The following RETNLB variants were observed in gnomAD, a reference collection of about 807,000 sequenced individuals.
The protein encoded by RETNLB is resistin-like beta.
RETNLB carries 11 observed loss-of-function variants against 6.8 expected under a neutral mutation model. The ratio of observed to expected loss-of-function variants is 1.62; its 90% CI spans 1.02 to 2.68. RETNLB has a LOEUF of 2.68. Ranked by LOEUF, RETNLB falls within the 30% of genes most tolerant of loss-of-function variation. RETNLB has a pLI of 0.00. For missense variants in RETNLB, 146 were observed against 135.7 expected (o/e 1.08, Z -0.38); for synonymous variants, 57 against 54.2 (o/e 1.05, Z -0.23).
intron 2 of RETNLB, among the ~76,000 whole-genome samples, chr3:108,756,181 G>C (rs1303367134): frequency 6.6e-6 from 1 of 152,106 alleles, no homozygotes; most frequent in African/African-American, 2.4e-5. Flanking sequence ...CCTCTCTGTT[G>C]GCCCCTACCC....
In RETNLB at chr3:108,755,845, T is replaced by C; in HGVS notation, c.269A>G (p.Glu90Gly). The change falls in exon 3 of 3, where the codon GAA becomes GGA. Residue 90 changes from glutamate to glycine, a missense_variant. Physicochemically the swap from Glu to Gly is moderately conservative, Grantham distance 98. Transcript: ENST00000295755. ...ACTGCACTGGCAGTGGCAGGTGGTT[T>C]CCAGCTGAACATCCCACGAACCACA... ...YGCGSWDVQL[E>G]TTCHCQCSVV... The C allele has an allele frequency of 8.7e-6, 14 of 1,614,098 alleles. No individual in the cohort carries two copies. The highest frequency in any genetic ancestry group is 1.2e-5 in the Non-Finnish European group (14 of 1,180,010).
Position 108,755,739 on chromosome 3 carries a change from TGTCATG to T in RETNLB, c.*33_*38del. 6.2e-7 allele frequency: 1 copy of T among 1,602,228 alleles called. No homozygotes were observed. Among genetic ancestry groups the T allele is most frequent in the African/African-American group, 1.3e-5 (1 of 74,872 alleles). On this transcript the variant is annotated 3_prime_UTR_variant, in exon 3 of 3. Coordinates refer to ENST00000295755, the MANE Select transcript of RETNLB (RefSeq NM_032579.3). ...TTGGTTGGGACCCTGGTTTCATTAC[TGTCATG>T]GTCACAAAACTGAGTTCTCAGCCTC...
chr3:108,755,653 G>T lies in RETNLB; in HGVS notation c.*125C>A, dbSNP rs1945243353. 1 of 1,111,480 alleles carries T rather than the reference G, an allele frequency of 9.0e-7. No homozygotes were observed. The allele number at this position is 1,111,480 out of a possible 1,614,324, so 68.9% of individuals were successfully genotyped here. ...ATAAGCACAGAGAGGTACAAAGTTTGTCTTTATTACCCAAGAATCAGGAAT... is the reference window on the plus strand; with the variant it reads ...ATAAGCACAGAGAGGTACAAAGTTTTTCTTTATTACCCAAGAATCAGGAAT... On this transcript the variant is annotated 3_prime_UTR_variant, in exon 3 of 3. Coordinates refer to ENST00000295755, the MANE Select transcript of RETNLB (RefSeq NM_032579.3).
chr3:108,756,949 G>T (rs1945254488), intron 1 of RETNLB, 110 bp downstream of exon 1: 2 of 1,293,524 alleles, frequency 1.5e-6, no homozygotes, highest in Non-Finnish European at 2.1e-6. Flanking sequence ...CCCTCATCAG[G>T]GGTTGGGCTT....
intron 2 of RETNLB, 95 bp from the exon 3 acceptor site, chr3:108,756,000 G>C (rs1183768037): frequency 6.9e-7 from 1 of 1,455,020 alleles, no homozygotes. Context: ...TGCAGTCAGG[G>C]GTAGAGCTAG....
Position 108,755,648 on chromosome 3 carries a change from A to T in RETNLB, c.*130T>A. On this transcript the variant is annotated 3_prime_UTR_variant, in exon 3 of 3. Coordinates refer to ENST00000295755, the MANE Select transcript of RETNLB (RefSeq NM_032579.3). ...ATGACATAAGCACAGAGAGGTACAAAGTTTGTCTTTATTACCCAAGAATCA... is the reference window on the plus strand; with the variant it reads ...ATGACATAAGCACAGAGAGGTACAATGTTTGTCTTTATTACCCAAGAATCA... 9.6e-7 allele frequency: 1 copy of T among 1,037,852 alleles called. No homozygotes were observed. The highest frequency in any genetic ancestry group is 1.5e-5 in the South Asian group (1 of 68,120). 64.3% of individuals were successfully genotyped at this position (1,037,852 alleles called of 1,614,324 possible).
At position 108,755,941 on chromosome 3, in the gene RETNLB, T is replaced by C. The variant is rs113125590; in HGVS notation, c.209-36A>G. 1,337 of 1,613,398 alleles carry C rather than the reference T, an allele frequency of 8.3e-4. 4 individuals are homozygous for C. The African/African-American group carries it at 0.016, about 20-fold the overall frequency. On this transcript the variant is annotated intron_variant, in intron 2 of 2. Transcript: ENST00000295755. ...ACATGAAGCACAGACATCAGAGCTCTTGGAATTTAAGAGGAGGAAGGGCTA... is the reference window on the plus strand; with the variant it reads ...ACATGAAGCACAGACATCAGAGCTCCTGGAATTTAAGAGGAGGAAGGGCTA...
At chr3:108,756,677 G>T (rs760605462) in intron 1 of RETNLB, 89 bp from the exon 2 acceptor site, 1 of 915,954 alleles carries the variant, frequency 1.1e-6, no homozygotes, top group Non-Finnish European at 1.8e-6. Context: ...TACCTTGGAG[G>T]TGACACTGTG....
chr3:108,756,299 A>T (rs1432611274), intron 2 of RETNLB, among the ~76,000 whole-genome samples: 2 of 152,142 alleles, frequency 1.3e-5, no homozygotes, highest in Non-Finnish European at 2.9e-5. Flanking sequence ...AAGGGGTGAA[A>T]GGAAGAGGCA....
chr3:108,756,417 C>A, intron 2 of RETNLB, 91 bp downstream of exon 2: 3 of 897,856 alleles, frequency 3.3e-6, no homozygotes, highest in Non-Finnish European at 5.6e-6. Flanking sequence ...GTGATACAGA[C>A]CTGACATGGG....
rs10933959 is a variant in RETNLB at position 108,757,358 on chromosome 3, G to A, written c.-173C>T. The A allele has an allele frequency of 0.26, 159,453 of 602,212 alleles. 31,354 individuals carry two copies. The highest frequency in any genetic ancestry group is 0.96 in the East Asian group (31,850 of 33,262). 37.3% of individuals were successfully genotyped at this position (602,212 alleles called of 1,614,324 possible). A position where few individuals can be genotyped will look rare whatever the true frequency, so the allele number is the denominator to read the frequency against. Reference sequence around the variant, plus strand: ...CTCTTTAGGCAGTTTGGAGAAGCAGGTAGGGTTGCTGAAGAACAGATTTAT... The same window carrying A: ...CTCTTTAGGCAGTTTGGAGAAGCAGATAGGGTTGCTGAAGAACAGATTTAT... On this transcript the variant is annotated 5_prime_UTR_variant, in exon 1 of 3. Transcript: ENST00000295755.
At position 108,757,339 on chromosome 3, in the gene RETNLB, A is replaced by G; in HGVS notation, c.-154T>C. ...AGCGTCATCAGTACTGGATCTCTTT[A>G]GGCAGTTTGGAGAAGCAGGTAGGGT... On this transcript the variant is annotated 5_prime_UTR_variant, in exon 1 of 3. Transcript: ENST00000295755. The G allele has an allele frequency of 1.3e-6, 1 of 764,702 alleles. No homozygotes were observed. The highest frequency in any genetic ancestry group is 2.0e-6 in the Non-Finnish European group (1 of 512,792). 47.4% of individuals were successfully genotyped at this position (764,702 alleles called of 1,614,324 possible). A position where few individuals can be genotyped will look rare whatever the true frequency, so the allele number is the denominator to read the frequency against.
At position 108,757,329 on chromosome 3, in the gene RETNLB, G is replaced by A; in HGVS notation, c.-144C>T. On this transcript the variant is annotated 5_prime_UTR_variant, in exon 1 of 3. Transcript: ENST00000295755. ...ATGGAAGAACAGCGTCATCAGTACTGGATCTCTTTAGGCAGTTTGGAGAAG... is the reference window on the plus strand; with the variant it reads ...ATGGAAGAACAGCGTCATCAGTACTAGATCTCTTTAGGCAGTTTGGAGAAG... The A allele has an allele frequency of 4.5e-6, 4 of 895,378 alleles. No homozygotes were observed. Among genetic ancestry groups the A allele is most frequent in the Non-Finnish European group, 6.5e-6 (4 of 612,046 alleles). The allele number at this position is 895,378 out of a possible 1,614,324, so 55.5% of individuals were successfully genotyped here.
Position 108,757,156 on chromosome 3 carries a change from G to T in RETNLB, c.30C>A (p.Ile10=). The T allele has an allele frequency of 1.2e-6, 2 of 1,613,838 alleles. No homozygotes were observed. The change falls in exon 1 of 3, where the codon ATC becomes ATA. Residue 10 remains isoleucine, a synonymous_variant. Coordinates refer to ENST00000295755, the MANE Select transcript of RETNLB (RefSeq NM_032579.3). ...TGATCAGCTGGAGAAGGGGGATTAG[G>T]ATGAGAAGGAGGCAAGAGGACGGCC... The part of the protein sequence containing the change: MGPSSCLLL[I]LIPLLQLINP...
At chr3:108,756,323 C>T (rs1223971402) in intron 2 of RETNLB, among the ~76,000 whole-genome samples, 185 bp downstream of exon 2, 3 of 152,066 alleles carry the variant, frequency 2.0e-5, no homozygotes, top group Non-Finnish European at 4.4e-5. Context: ...GCCCAAGATC[C>T]CCCAGTAGCA....
In RETNLB at chr3:108,757,052, C is replaced by CAGTT. The variant is rs773485810; in HGVS notation, c.127+3_127+6dup. On this transcript the variant is annotated splice_region_variant and intron_variant, in intron 1 of 2. Transcript: ENST00000295755. Reference sequence around the variant, plus strand: ...AACCCCCCGCTTCCCCTACCCCAGTCAGTTACCTAGACTGTTGAGAACATC... The same window carrying CAGTT: ...AACCCCCCGCTTCCCCTACCCCAGTCAGTTAGTTACCTAGACTGTTGAGAACATC... The CAGTT allele has an allele frequency of 1.2e-6, 2 of 1,612,484 alleles. No homozygotes were observed. Among genetic ancestry groups the CAGTT allele is most frequent in the South Asian group, 2.2e-5 (2 of 90,606 alleles).
chr3:108,755,776 T>C lies in RETNLB; in HGVS notation c.*2A>G. The C allele has an allele frequency of 1.9e-6, 3 of 1,613,522 alleles. No homozygotes were observed. Among genetic ancestry groups the C allele is most frequent in the Non-Finnish European group, 2.5e-6 (3 of 1,179,496 alleles). ...AAAACTGAGTTCTCAGCCTCCTCCC[T>C]GTCAGGTCAGGTGGCAGCAGCGGGC... On this transcript the variant is annotated 3_prime_UTR_variant, in exon 3 of 3. Transcript: ENST00000295755.
In RETNLB at chr3:108,755,897, C is replaced by G; in HGVS notation, c.217G>C (p.Val73Leu). 6.2e-7 allele frequency: 1 copy of G among 1,614,170 alleles called. No homozygotes were observed. Among genetic ancestry groups the G allele is most frequent in the Non-Finnish European group, 8.5e-7 (1 of 1,180,032 alleles). The change falls in exon 3 of 3, where the codon GTC (valine) becomes CTC (leucine). Residue 73 changes from valine (V) to leucine (L), a missense_variant. By Grantham distance (32) the Val-to-Leu change is conservative. Coordinates refer to ENST00000295755, the MANE Select transcript of RETNLB (RefSeq NM_032579.3). ...CCATAGCCACAAGCACAGCCAGTGACAGCCATCCCTGCATGAGCACATGAA... is the reference window on the plus strand; with the variant it reads ...CCATAGCCACAAGCACAGCCAGTGAGAGCCATCCCTGCATGAGCACATGAA... Reference protein sequence around the residue: ...RPSSCPAGMAVTGCACGYGCG... With the variant: ...RPSSCPAGMALTGCACGYGCG...
Position 108,755,774 on chromosome 3 carries a change from C to T in RETNLB, c.*4G>A. The stretch of plus-strand genomic sequence containing the variant: ...ACAAAACTGAGTTCTCAGCCTCCTC[C>T]CTGTCAGGTCAGGTGGCAGCAGCGG... On this transcript the variant is annotated 3_prime_UTR_variant, in exon 3 of 3. Transcript: ENST00000295755. The T allele has an allele frequency of 6.2e-7, 1 of 1,613,388 alleles. No individual in the cohort carries two copies. The highest frequency in any genetic ancestry group is 8.5e-7 in the Non-Finnish European group (1 of 1,179,390).
Sources: gnomAD v4.1 joint callset for allele counts (sites outside exome capture counted in the v4.1 genomes callset) on GRCh38, gnomAD v4.1.1 for gene constraint, MANE v1.5 for transcripts, NCBI Gene and HGNC (gene_info 2026-07-23, HGNC 2026-07-21) for gene names.